SEC24D: variants seen among roughly 807,000 people sequenced by gnomAD.
SEC24D encodes protein transport protein Sec24D.
SEC24D carries 69 observed loss-of-function variants against 116.9 expected under a neutral mutation model. The ratio of observed to expected loss-of-function variants is 0.59; its 90% confidence interval spans 0.49 to 0.72. The LOEUF (loss-of-function observed/expected upper bound fraction) is 0.72, where lower values mean the gene tolerates loss of function less well. SEC24D is among the 30% of genes least tolerant of loss of function. The probability of loss-of-function intolerance (pLI) is 0.00; values close to 1 mark genes in which losing one functional copy is unlikely to be tolerated. For missense variants in SEC24D, 1,131 were observed against 1,264.1 expected (o/e 0.89, Z 1.60); for synonymous variants, 405 against 442.8 (o/e 0.91, Z 1.07).
chr4:118,731,143 A>G, intron 21 of SEC24D, 173 bp downstream of exon 21: 3 of 619,926 alleles, frequency 4.8e-6, no homozygotes, highest in Non-Finnish European at 5.6e-6. Context: ...CTCTATACAA[A>G]TAACTTTATA....
chr4:118,736,354 C>A (rs1013231736), intron 19 of SEC24D: 3 of 160,064 alleles, frequency 1.9e-5, no homozygotes, highest in African/African-American at 7.2e-5. Context: ...TGACAGCTTC[C>A]TTAGATTTTG....
chr4:118,725,764 C>T (rs917989243), intron 22 of SEC24D, among the ~76,000 whole-genome samples: 6 of 152,060 alleles, frequency 3.9e-5, no homozygotes, highest in African/African-American at 1.4e-4. Context: ...AATATCCTAT[C>T]CTACCATTTG....
intron 20 of SEC24D, 38 bp from the exon 21 acceptor site, chr4:118,731,545 CT>C: frequency 6.5e-7 from 1 of 1,545,686 alleles, no homozygotes; most frequent in Admixed American, 1.7e-5. Flanking sequence ...AAACTCCTTT[CT>C]TCCCCTTCCC....
At chr4:118,828,139 C>T (rs1335768144) in intron 2 of SEC24D, among the ~76,000 whole-genome samples, 2 of 151,578 alleles carry the variant, frequency 1.3e-5, no homozygotes, top group Non-Finnish European at 2.9e-5. Flanking sequence ...GACAGAATCT[C>T]GCTCAGTCTC....
rs184044177 is a variant in SEC24D, at chr4:118,751,018, T to A, written c.1707+978A>T. ...TAAACTCAGTTCTGTAATACAGTTG[T>A]TGCTGTTTTTGTTATTATTACTAAG... On this transcript the variant is annotated intron_variant, in intron 13 of 22. Transcript: ENST00000280551. Among the ~76,000 whole-genome samples, 996 of 152,206 alleles carry A rather than the reference T, an allele frequency of 6.5e-3. 4 individuals carry two copies. The highest frequency in any genetic ancestry group is 0.024 in the Middle Eastern group (7 of 292).
intron 6 of SEC24D, among the ~76,000 whole-genome samples, chr4:118,807,850 C>T (rs1371166124): frequency 1.3e-5 from 2 of 152,172 alleles, no homozygotes; most frequent in Non-Finnish European, 2.9e-5. Context: ...TGCTGTCAGA[C>T]ACAGATAAGA....
intron 8 of SEC24D, among the ~76,000 whole-genome samples, chr4:118,781,895 T>C (rs1348394571): frequency 2.0e-5 from 3 of 152,236 alleles, no homozygotes; most frequent in Non-Finnish European, 4.4e-5. Flanking sequence ...AGCTTGTGCA[T>C]GCGTCACGTA....
rs577307361 is a variant in SEC24D at position 118,752,798 on chromosome 4, G to A, written c.1512C>T (p.Ala504=). 6.2e-7 allele frequency: 1 copy of A among 1,611,376 alleles called. No individual in the cohort carries two copies. The highest frequency in any genetic ancestry group is 8.5e-7 in the Non-Finnish European group (1 of 1,178,894). The stretch of plus-strand genomic sequence containing the variant: ...CAGTCACCACCATCATCTGAGGCTG[G>A]GCCAGATTACTCTTCACATTAAAGA... ...LHFFNVKSNL[A]QPQMMVVTDV... The change falls in exon 12 of 23, where the codon GCC becomes GCT. Residue 504 remains alanine (A), a synonymous_variant. Coordinates refer to ENST00000280551, the MANE Select transcript of SEC24D (RefSeq NM_014822.4).
rs1212292826 is a variant in SEC24D, at chr4:118,740,771, C to T, written c.2130G>A (p.Met710Ile). ...RATDFFGGIL[M>I]NNTTDVEMAA... ...CCATTTCTACATCGGTGGTGTTGTT[C>T]ATCAAGATTCCACCAAAGAAATCAG... Residue 710 changes from methionine (M) to isoleucine (I), a missense_variant, in exon 17 of 23, where the codon ATG becomes ATA. Coordinates refer to ENST00000280551, the MANE Select transcript of SEC24D (RefSeq NM_014822.4). 5.0e-6 allele frequency: 8 copies of T among 1,613,876 alleles called. No individual in the cohort carries two copies. Among genetic ancestry groups the T allele is most frequent in the Middle Eastern group, 1.7e-4 (1 of 6,056 alleles).
At chr4:118,820,194 T>C (rs886117901) in intron 3 of SEC24D, among the ~76,000 whole-genome samples, 3 of 151,188 alleles carry the variant, frequency 2.0e-5, no homozygotes, top group African/African-American at 7.3e-5. Context: ...TTTTTTTTTT[T>C]TTTGAGACGG....
At chr4:118,818,620 G>T (rs903585436) in intron 3 of SEC24D, among the ~76,000 whole-genome samples, 1 of 152,164 alleles carries the variant, frequency 6.6e-6, no homozygotes, top group Admixed American at 6.5e-5. Flanking sequence ...ATAGGTGAGT[G>T]ATGAAAATGC....
In SEC24D at chr4:118,733,585, G is replaced by A. The variant is rs1197047389; in HGVS notation, c.2497-673C>T. Among the ~76,000 whole-genome samples the A allele has an allele frequency of 2.0e-5, 3 of 152,272 alleles. No individual in the cohort carries two copies. The South Asian group carries it at 6.2e-4, about 32-fold the overall frequency. ...GAATAAGGCATAGTCCATGTTGTAA[G>A]ATGCTTGAAGTTCGCTGGGGATAGA... On this transcript the variant is annotated intron_variant, in intron 19 of 22. Transcript: ENST00000280551.
chr4:118,828,342 C>G (rs1730678179), intron 2 of SEC24D, among the ~76,000 whole-genome samples: 1 of 152,138 alleles, frequency 6.6e-6, no homozygotes, highest in South Asian at 2.1e-4. Context: ...ATCTCCTGAC[C>G]TCGTGATCTG....
intron 7 of SEC24D, among the ~76,000 whole-genome samples, chr4:118,802,074 G>A (rs969886197): frequency 5.3e-5 from 8 of 152,076 alleles, no homozygotes; most frequent in Non-Finnish European, 1.2e-4. Flanking sequence ...AGTAAAAATA[G>A]ATCATTGCAA....
At chr4:118,769,966 T>G (rs1236920047) in intron 8 of SEC24D, 1 of 152,182 alleles carries the variant, frequency 6.6e-6, no homozygotes, top group Non-Finnish European at 1.5e-5. Context: ...TCAAAACCAC[T>G]CAGCTCAGGA....
chr4:118,779,914 T>C (rs1285359070), intron 8 of SEC24D, among the ~76,000 whole-genome samples: 1 of 152,234 alleles, frequency 6.6e-6, no homozygotes, highest in Non-Finnish European at 1.5e-5. Context: ...GTATTCCTGA[T>C]GGTAGTTTGT....
intron 7 of SEC24D, among the ~76,000 whole-genome samples, chr4:118,803,758 C>T (rs558289582): frequency 1.3e-5 from 2 of 152,022 alleles, no homozygotes; most frequent in Non-Finnish European, 2.9e-5. Context: ...GGTAAATTAC[C>T]TAAGCATTCT....
chr4:118,830,897 G>A (rs56104443), intron 2 of SEC24D, among the ~76,000 whole-genome samples: 6,183 of 152,252 alleles, frequency 0.041, 193 homozygotes, highest in Non-Finnish European at 0.063. Context: ...GTGAGAGATG[G>A]ATGGATTGAA....
At chr4:118,828,350 C>G (rs1490283823) in intron 2 of SEC24D, among the ~76,000 whole-genome samples, 1 of 152,130 alleles carries the variant, frequency 6.6e-6, no homozygotes, top group African/African-American at 2.4e-5. Context: ...ACCTCGTGAT[C>G]TGCCCATCTC....
Sources: allele counts gnomAD v4.1 joint callset (sites outside exome capture counted in the v4.1 genomes callset), GRCh38; gene constraint gnomAD v4.1.1; transcripts MANE v1.5; gene names NCBI Gene and HGNC (gene_info 2026-07-23, HGNC 2026-07-21).